The following MPPED1 variants were observed in gnomAD, a reference collection of about 807,000 sequenced individuals.
The protein encoded by MPPED1 is metallophosphoesterase domain-containing protein 1.
A neutral mutation model predicts 36.2 loss-of-function variants in MPPED1; 16 were observed. The ratio of observed to expected loss-of-function variants is 0.44; its 90% CI spans 0.30 to 0.67. The LOEUF is 0.67. MPPED1 is among the 30% of genes least tolerant of loss of function. The probability of loss-of-function intolerance (pLI) is 0.10; values close to 1 mark genes in which losing one functional copy is unlikely to be tolerated. For synonymous variants in MPPED1, 199 were observed against 191.3 expected (o/e 1.04, Z -0.33); for missense variants, 307 against 453.4 (o/e 0.68, Z 2.93).
chr22:43,412,735 A>G (rs149772969), intron 1 of MPPED1, among the ~76,000 whole-genome samples: 81 of 151,282 alleles, frequency 5.4e-4, no homozygotes, highest in African/African-American at 1.9e-3. Flanking sequence ...CCTGTCTGCT[A>G]TGTGCTCGGC....
chr22:43,430,039 C>G (rs1226204450), intron 2 of MPPED1, among the ~76,000 whole-genome samples: 1 of 152,158 alleles, frequency 6.6e-6, no homozygotes, highest in Non-Finnish European at 1.5e-5. Context: ...GCTGATCCAG[C>G]CAGTCATTGT....
chr22:43,498,152 TG>T, intron 4 of MPPED1, 82 bp from the exon 5 acceptor site: 1 of 1,109,900 alleles, frequency 9.0e-7, no homozygotes, highest in Non-Finnish European at 1.3e-6. Flanking sequence ...GAGGGCCCCC[TG>T]GCCCGTGGGG....
chr22:43,435,353 C>T (rs763971159), intron 3 of MPPED1, 138 bp downstream of exon 3: 3 of 880,312 alleles, frequency 3.4e-6, no homozygotes, highest in Non-Finnish European at 5.1e-6. Flanking sequence ...TGGTCACCCT[C>T]CCTGACCTCT....
intron 4 of MPPED1, among the ~76,000 whole-genome samples, chr22:43,488,190 G>A (rs1931971943): frequency 6.6e-6 from 1 of 152,112 alleles, no homozygotes; most frequent in Non-Finnish European, 1.5e-5. Flanking sequence ...CGGCCCCTAC[G>A]CCGCCCTCAG....
chr22:43,487,694 C>A (rs367555383), intron 4 of MPPED1, among the ~76,000 whole-genome samples: 29 of 152,258 alleles, frequency 1.9e-4, no homozygotes, highest in African/African-American at 7.0e-4. Flanking sequence ...GCCTGGCACC[C>A]CAGGAATTGT....
intron 5 of MPPED1, among the ~76,000 whole-genome samples, chr22:43,499,956 A>G (rs1412935113): frequency 2.9e-3 from 57 of 19,770 alleles, no homozygotes; most frequent in South Asian, 5.3e-3. Context: ...GGTGGTGGTG[A>G]TGGAGGTGGT....
intron 3 of MPPED1, among the ~76,000 whole-genome samples, chr22:43,463,815 C>CTTTCTTTTTTT (rs1377538955): frequency 0.015 from 723 of 47,978 alleles, 33 homozygotes; most frequent in Non-Finnish European, 0.021. Flanking sequence ...TCTTTTCTTT[C>CTTTCTTTTTTT]TTTCTTTCTT....
At chr22:43,498,911 A>G (rs1932517924) in intron 5 of MPPED1, among the ~76,000 whole-genome samples, 1 of 151,170 alleles carries the variant, frequency 6.6e-6, no homozygotes, top group East Asian at 1.9e-4. Context: ...CCTCATTCCC[A>G]CAGCCTGGCC....
At chr22:43,482,401 C>G (rs1015917983) in intron 4 of MPPED1, among the ~76,000 whole-genome samples, 1 of 152,070 alleles carries the variant, frequency 6.6e-6, no homozygotes, top group African/African-American at 2.4e-5. Context: ...TTCACTGTCT[C>G]CCGGCAGGGC....
chr22:43,447,859 T>TTATATA lies in MPPED1; in HGVS notation c.406+12664_406+12669dup, dbSNP rs1238294657. Among the ~76,000 whole-genome samples the TTATATA allele has an allele frequency of 2.5e-3, 158 of 62,514 alleles. 5 individuals carry two copies. The highest frequency in any genetic ancestry group is 0.021 in the Middle Eastern group (2 of 96). The allele number at this position is 62,514 out of a possible 152,430, so 41.0% of individuals were successfully genotyped here. On this transcript the variant is annotated intron_variant, in intron 3 of 6. Coordinates refer to ENST00000443721, the MANE Select transcript of MPPED1 (RefSeq NM_001044370.2). ...TAAAAATATTTTATATATGTAAATATTATATATATATATATATATATATAT... is the reference window on the plus strand; with the variant it reads ...TAAAAATATTTTATATATGTAAATATTATATATATATATATATATATATATATATAT...
At chr22:43,458,208 A>G (rs1010501784) in intron 3 of MPPED1, among the ~76,000 whole-genome samples, 2 of 152,182 alleles carry the variant, frequency 1.3e-5, no homozygotes, top group Admixed American at 6.5e-5. Context: ...TTAACAGTCC[A>G]TGACTGTATT....
At position 43,474,712 on chromosome 22, in the gene MPPED1, G is replaced by A. The variant is rs372489985; in HGVS notation, c.407-24G>A. The A allele has an allele frequency of 4.3e-6, 7 of 1,611,474 alleles. No homozygotes were observed. In the African/African-American group the frequency reaches 6.7e-5, roughly 15 times the overall value. On this transcript the variant is annotated intron_variant, in intron 3 of 6. Coordinates refer to ENST00000443721, the MANE Select transcript of MPPED1 (RefSeq NM_001044370.2). The surrounding 1 kb of genome is among the most constrained non-coding windows in gnomAD (Gnocchi z 5.2). ...ACAAGCTGACGGCTGTGTGCTGTGT[G>A]TCTGTCTGTGTCCACCCCTGCAGGC...
chr22:43,419,579 T>G (rs1929190790), intron 1 of MPPED1, among the ~76,000 whole-genome samples: 1 of 69,824 alleles, frequency 1.4e-5, no homozygotes, highest in Non-Finnish European at 3.2e-5. Flanking sequence ...CCTGAGGTGC[T>G]GAGTTCACCT....
chr22:43,435,304 C>T (rs1929918988), intron 3 of MPPED1, 89 bp downstream of exon 3: 1 of 1,410,280 alleles, frequency 7.1e-7, no homozygotes, highest in African/African-American at 1.4e-5. Flanking sequence ...GCCTTTCCCT[C>T]CTGCGCTGCC....
intron 2 of MPPED1, among the ~76,000 whole-genome samples, chr22:43,428,459 C>T (rs376544921): frequency 6.6e-5 from 10 of 152,298 alleles, no homozygotes; most frequent in African/African-American, 1.2e-4. Context: ...CTCCACACCC[C>T]GAGCTCGGAA....
intron 5 of MPPED1, among the ~76,000 whole-genome samples, chr22:43,500,402 A>AGTG (rs1932689401): frequency 3.6e-5 from 1 of 27,938 alleles, no homozygotes; most frequent in Admixed American, 3.4e-4. Context: ...TGGAGGTGGT[A>AGTG]GTGGTGGTGA....
intron 3 of MPPED1, among the ~76,000 whole-genome samples, chr22:43,442,023 G>C (rs1417343063): frequency 6.6e-6 from 1 of 152,172 alleles, no homozygotes; most frequent in Non-Finnish European, 1.5e-5. Context: ...GCAGGAGCAG[G>C]AGGCAGCTCA....
chr22:43,488,935 G>T (rs1932000325), intron 4 of MPPED1, among the ~76,000 whole-genome samples: 1 of 152,204 alleles, frequency 6.6e-6, no homozygotes, highest in Non-Finnish European at 1.5e-5. Flanking sequence ...GGGTTGTGTT[G>T]GCAACAAGTA....
At chr22:43,452,817 C>T (rs1462469344) in intron 3 of MPPED1, among the ~76,000 whole-genome samples, 1 of 151,228 alleles carries the variant, frequency 6.6e-6, no homozygotes, top group Non-Finnish European at 1.5e-5. Context: ...TTTGTAGAGA[C>T]GAGGTTTCCC....
Sources: gnomAD v4.1 joint callset for allele counts (sites outside exome capture counted in the v4.1 genomes callset) on GRCh38, gnomAD v4.1.1 for gene constraint, Gnocchi (gnomAD v3.1) non-coding constraint, MANE v1.5 for transcripts, NCBI Gene and HGNC (gene_info 2026-07-23, HGNC 2026-07-21) for gene names.